Variants in DIO3 observed in about 807,000 individuals in gnomAD.
DIO3 encodes the protein iodothyronine deiodinase 3.
In DIO3, 5 loss-of-function variants were observed where a neutral mutation model predicts 20.4. The ratio of observed to expected loss-of-function variants is 0.25; its 90% CI spans 0.13 to 0.52. DIO3 has a LOEUF of 0.52. Ranked by LOEUF, DIO3 falls within the 20% of genes least tolerant of loss-of-function variation. The pLI is 0.97. For synonymous variants in DIO3, 201 were observed against 193.3 expected (o/e 1.04, Z -0.33); for missense variants, 341 against 438.2 (o/e 0.78, Z 1.98).
chr14:101,562,207 C>T lies in DIO3; in HGVS notation c.711C>T (p.Pro237=), dbSNP rs548580295. 1.9e-5 allele frequency: 30 copies of T among 1,612,134 alleles called. No individual in the cohort carries two copies. The Admixed American group carries it at 2.3e-4, about 13-fold the overall frequency. ...CGAGGGTACTGCAGCAAGGTGCACC[C>T]GGCTGCGCTCTGGTCCTCGACACCA... The change falls in exon 1 of 1, where the codon CCC becomes CCT. Residue 237 remains proline, a synonymous_variant. Coordinates refer to ENST00000510508, the Ensembl canonical transcript of DIO3. This position sits in a 1 kb window ranked among gnomAD's most constrained non-coding sequence, Gnocchi z 8.7.
Position 101,562,458 on chromosome 14 carries a change from C to G in DIO3, c.*47C>G. Reference sequence around the variant, plus strand: ...GAACTTGGTGGGCTGGGCCTTCGAGCCTTCGAAGCCCACGTGCAAGCGCCT... The same window carrying G: ...GAACTTGGTGGGCTGGGCCTTCGAGGCTTCGAAGCCCACGTGCAAGCGCCT... On this transcript the variant is annotated 3_prime_UTR_variant, in exon 1 of 1. Transcript: ENST00000510508. The surrounding 1 kb of genome is among the most constrained non-coding windows in gnomAD (Gnocchi z 8.7). The G allele has an allele frequency of 6.5e-7, 1 of 1,543,270 alleles. No individual in the cohort carries two copies.
At position 101,561,929 on chromosome 14, in the gene DIO3, G is replaced by A; in HGVS notation, c.433G>A (p.Gly145Ser). ...CAACTCCGAGGTGGTTCTGCCCGAC[G>A]GCTTCCAGAGCCAGCACATCCTCGA... The change falls in exon 1 of 1, where the codon GGC (glycine) becomes AGC (serine). Residue 145 changes from glycine to serine, a missense_variant. This residue lies in a region of DIO3 where 198 missense variants were observed against 220.7 expected (regional missense o/e 0.90). Transcript: ENST00000510508. The surrounding 1 kb of genome is among the most constrained non-coding windows in gnomAD (Gnocchi z 8.0). The A allele has an allele frequency of 6.2e-7, 1 of 1,604,264 alleles. No homozygotes were observed.
At position 101,562,524 on chromosome 14, in the gene DIO3, G is replaced by A; in HGVS notation, c.*113G>A. The A allele has an allele frequency of 9.7e-7, 1 of 1,027,064 alleles. No homozygotes were observed. Among genetic ancestry groups the A allele is most frequent in the Non-Finnish European group, 1.4e-6 (1 of 703,160 alleles). The allele number at this position is 1,027,064 out of a possible 1,614,324, so 63.6% of individuals were successfully genotyped here. ...TTGGCGAGGCCCCAGTGACACTGAT[G>A]TGCTGAGCCACCATTTCAGACTGAG... On this transcript the variant is annotated 3_prime_UTR_variant, in exon 1 of 1. Transcript: ENST00000510508. This position sits in a 1 kb window ranked among gnomAD's most constrained non-coding sequence, Gnocchi z 8.7.
In DIO3 at chr14:101,561,633, T is replaced by G. The variant is rs753943392; in HGVS notation, c.137T>G (p.Leu46Arg). Residue 46 changes from leucine (L) to arginine (R), a missense_variant, in exon 1 of 1, where the codon CTC becomes CGC. Transcript: ENST00000510508. The surrounding 1 kb of genome is among the most constrained non-coding windows in gnomAD (Gnocchi z 8.0). ...CTCTGCGCCCAGACCGCCTCGTGCC[T>G]CGTGCTCTTCCCGCGCTTCCTCGGC... The G allele has an allele frequency of 6.2e-7, 1 of 1,613,508 alleles. No homozygotes were observed. The highest frequency in any genetic ancestry group is 8.5e-7 in the Non-Finnish European group (1 of 1,179,954).
In DIO3 at chr14:101,561,906, A is replaced by G. The variant is rs1312779052; in HGVS notation, c.410A>G (p.Asn137Ser). 5.0e-6 allele frequency: 8 copies of G among 1,604,776 alleles called. No individual in the cohort carries two copies. The South Asian group carries it at 7.7e-5, about 15-fold the overall frequency. The change falls in exon 1 of 1, where the codon AAC (asparagine) becomes AGC (serine). Residue 137 changes from asparagine to serine, a missense_variant. By Grantham distance (46) the Asn-to-Ser change is conservative. Transcript: ENST00000510508. This position sits in a 1 kb window ranked among gnomAD's most constrained non-coding sequence, Gnocchi z 8.0. The stretch of plus-strand genomic sequence containing the variant: ...GCGCACGAGGGCGGTCCGGCGCCCA[A>G]CTCCGAGGTGGTTCTGCCCGACGGC...
At position 101,562,332 on chromosome 14, in the gene DIO3, G is replaced by A; in HGVS notation, c.836G>A (p.Gly279Asp). 2 of 1,613,954 alleles carry A rather than the reference G, an allele frequency of 1.2e-6. No homozygotes were observed. The highest frequency in any genetic ancestry group is 1.7e-6 in the Non-Finnish European group (2 of 1,180,042). Residue 279 changes from glycine (G) to aspartate (D), a missense_variant, in exon 1 of 1, where the codon GGC becomes GAC. Coordinates refer to ENST00000510508, the Ensembl canonical transcript of DIO3. The surrounding 1 kb of genome is among the most constrained non-coding windows in gnomAD (Gnocchi z 8.7). Reference sequence around the variant, plus strand: ...TACCAGGGCGGCCGTGGCCCCGACGGCTACCAGGTCTCTGAGCTGCGCACT... The same window carrying A: ...TACCAGGGCGGCCGTGGCCCCGACGACTACCAGGTCTCTGAGCTGCGCACT...
In DIO3 at chr14:101,561,648, G is replaced by C. The variant is rs1178881157; in HGVS notation, c.152G>C (p.Arg51Pro). ...GCCTCGTGCCTCGTGCTCTTCCCGC[G>C]CTTCCTCGGCACGGCCTTCATGCTC... The change falls in exon 1 of 1, where the codon CGC becomes CCC. Residue 51 changes from arginine to proline, a missense_variant. Arg to Pro is a moderately radical substitution (Grantham distance 103, BLOSUM62 -2). Coordinates refer to ENST00000510508, the Ensembl canonical transcript of DIO3. This position sits in a 1 kb window ranked among gnomAD's most constrained non-coding sequence, Gnocchi z 8.0. The C allele has an allele frequency of 6.2e-7, 1 of 1,613,386 alleles. No individual in the cohort carries two copies. Among genetic ancestry groups the C allele is most frequent in the African/African-American group, 1.3e-5 (1 of 74,910 alleles).
At position 101,562,334 on chromosome 14, in the gene DIO3, T is replaced by C; in HGVS notation, c.838T>C (p.Tyr280His). The change falls in exon 1 of 1, where the codon TAC becomes CAC. Residue 280 changes from tyrosine to histidine, a missense_variant. Tyr to His is a moderately conservative substitution (Grantham distance 83). This residue lies in a region of DIO3 where 138 missense variants were observed against 197.8 expected (regional missense o/e 0.70). Transcript: ENST00000510508. This position sits in a 1 kb window ranked among gnomAD's most constrained non-coding sequence, Gnocchi z 8.7. ...CCAGGGCGGCCGTGGCCCCGACGGC[T>C]ACCAGGTCTCTGAGCTGCGCACTTG... 6.2e-7 allele frequency: 1 copy of C among 1,613,984 alleles called. No individual in the cohort carries two copies. The highest frequency in any genetic ancestry group is 1.1e-5 in the South Asian group (1 of 91,082).
Position 101,561,600 on chromosome 14 carries a change from C to T in DIO3, c.104C>T (p.Ser35Phe), listed in dbSNP as rs769474474. ...ATGCTCCGCTCCCTGCTGCTTCACT[C>T]CTTGAGGCTCTGCGCCCAGACCGCC... The change falls in exon 1 of 1, where the codon TCC becomes TTC. Residue 35 changes from serine (S) to phenylalanine (F), a missense_variant. Around this residue, in one of 3 missense-constraint regions of DIO3, gnomAD observed 198 missense variants for 220.7 expected, o/e 0.90. Coordinates refer to ENST00000510508, the Ensembl canonical transcript of DIO3. The surrounding 1 kb of genome is among the most constrained non-coding windows in gnomAD (Gnocchi z 8.0). 1.9e-6 allele frequency: 3 copies of T among 1,613,288 alleles called. No homozygotes were observed. Among genetic ancestry groups the T allele is most frequent in the African/African-American group, 1.3e-5 (1 of 74,942 alleles).
chr14:101,562,213 C>G lies in DIO3; in HGVS notation c.717C>G (p.Cys239Trp). The change falls in exon 1 of 1, where the codon TGC becomes TGG. Residue 239 changes from cysteine (C) to tryptophan (W), a missense_variant. Physicochemically the swap from Cys to Trp is radical, Grantham distance 215 (BLOSUM62 -2). Coordinates refer to ENST00000510508, the Ensembl canonical transcript of DIO3. The surrounding 1 kb of genome is among the most constrained non-coding windows in gnomAD (Gnocchi z 8.7). ...TACTGCAGCAAGGTGCACCCGGCTG[C>G]GCTCTGGTCCTCGACACCATGGCCA... 6.2e-7 allele frequency: 1 copy of G among 1,612,144 alleles called. No individual in the cohort carries two copies.
At position 101,561,776 on chromosome 14, in the gene DIO3, C is replaced by G. The variant is rs368850596; in HGVS notation, c.280C>G (p.Pro94Ala). The change falls in exon 1 of 1, where the codon CCT becomes GCT. Residue 94 changes from proline to alanine, a missense_variant. By Grantham distance (27) the Pro-to-Ala change is conservative. This residue lies in a region of DIO3 where 198 missense variants were observed against 220.7 expected (regional missense o/e 0.90). Coordinates refer to ENST00000510508, the Ensembl canonical transcript of DIO3. The surrounding 1 kb of genome is among the most constrained non-coding windows in gnomAD (Gnocchi z 8.0). ...GCTCAACAGTGAAGGCGAGGAGGTG[C>G]CTCCCGATGACCCGCCCATCTGCGT... is the stretch of plus-strand genomic sequence containing the variant. The G allele has an allele frequency of 3.2e-4, 520 of 1,611,966 alleles. No homozygotes were observed. The highest frequency in any genetic ancestry group is 4.3e-4 in the Non-Finnish European group (507 of 1,179,958).
chr14:101,561,535 G>C lies in DIO3; in HGVS notation c.39G>C (p.Glu13Asp), dbSNP rs1230039005. The C allele has an allele frequency of 1.2e-6, 2 of 1,611,180 alleles. No homozygotes were observed. Among genetic ancestry groups the C allele is most frequent in the East Asian group, 2.2e-5 (1 of 44,790 alleles). Reference sequence around the variant, plus strand: ...CCACGTCGCGGTTGGTGGTCGGAGAGGGCGAGGGGTCCCAGGGGGCTTCGG... The same window carrying C: ...CCACGTCGCGGTTGGTGGTCGGAGACGGCGAGGGGTCCCAGGGGGCTTCGG... The change falls in exon 1 of 1, where the codon GAG (glutamate) becomes GAC (aspartate). Residue 13 changes from glutamate to aspartate, a missense_variant. By Grantham distance (45) the Glu-to-Asp change is conservative. Coordinates refer to ENST00000510508, the Ensembl canonical transcript of DIO3. This position sits in a 1 kb window ranked among gnomAD's most constrained non-coding sequence, Gnocchi z 8.0.
At position 101,561,723 on chromosome 14, in the gene DIO3, G is replaced by T. The variant is rs1289405831; in HGVS notation, c.227G>T (p.Arg76Leu). ...CGCAAGCATTTCCTGGGCCGCCGCCGCCGGGGGCAGCCCGAGCCCGAAGTG... is the reference window on the plus strand; with the variant it reads ...CGCAAGCATTTCCTGGGCCGCCGCCTCCGGGGGCAGCCCGAGCCCGAAGTG... Residue 76 changes from arginine (R) to leucine (L), a missense_variant, in exon 1 of 1, where the codon CGC becomes CTC. By Grantham distance (102) the Arg-to-Leu change is moderately radical. This residue lies in a region of DIO3 where 198 missense variants were observed against 220.7 expected (regional missense o/e 0.90). Transcript: ENST00000510508. The surrounding 1 kb of genome is among the most constrained non-coding windows in gnomAD (Gnocchi z 8.0). 1 of 1,612,354 alleles carries T rather than the reference G, an allele frequency of 6.2e-7. No homozygotes were observed. Among genetic ancestry groups the T allele is most frequent in the African/African-American group, 1.3e-5 (1 of 74,920 alleles).
At position 101,562,826 on chromosome 14, in the gene DIO3, G is replaced by A. The variant is rs41286578; in HGVS notation, c.*415G>A. 481 of 181,008 alleles carry A rather than the reference G, an allele frequency of 2.7e-3. 1 individual carries two copies. The highest frequency in any genetic ancestry group is 6.0e-3 in the Middle Eastern group (2 of 336). The allele number at this position is 181,008 out of a possible 1,614,324, so 11.2% of individuals were successfully genotyped here. A position where few individuals can be genotyped will look rare whatever the true frequency, so the allele number is the denominator to read the frequency against. On this transcript the variant is annotated 3_prime_UTR_variant, in exon 1 of 1. Transcript: ENST00000510508. This position sits in a 1 kb window ranked among gnomAD's most constrained non-coding sequence, Gnocchi z 8.7. ...CGCCCTGAGCGCAGCTGGGTTCCAG[G>A]AGACTCTCAGCTCAGCTGAGCTAGT... is the stretch of plus-strand genomic sequence containing the variant.
Position 101,562,721 on chromosome 14 carries a change from C to T in DIO3, c.*310C>T. The T allele has an allele frequency of 3.2e-6, 1 of 313,646 alleles. No homozygotes were observed. The allele number at this position is 313,646 out of a possible 1,614,324, so 19.4% of individuals were successfully genotyped here. A position where few individuals can be genotyped will look rare whatever the true frequency, so the allele number is the denominator to read the frequency against. ...TTGCCTCTACAGCATTTTCTTACAC[C>T]CCCTCCCCAGCGTGCCCTCAGCCAA... On this transcript the variant is annotated 3_prime_UTR_variant, in exon 1 of 1. Coordinates refer to ENST00000510508, the Ensembl canonical transcript of DIO3. The surrounding 1 kb of genome is among the most constrained non-coding windows in gnomAD (Gnocchi z 8.7).
chr14:101,562,799 C>G lies in DIO3; in HGVS notation c.*388C>G, dbSNP rs547833349. 5.2e-6 allele frequency: 1 copy of G among 190,850 alleles called. No homozygotes were observed. Among genetic ancestry groups the G allele is most frequent in the Non-Finnish European group, 1.2e-5 (1 of 83,268 alleles). 11.8% of individuals were successfully genotyped at this position (190,850 alleles called of 1,614,324 possible). A position where few individuals can be genotyped will look rare whatever the true frequency, so the allele number is the denominator to read the frequency against. ...TGCACAGAGACCTTGGCCACGCCCG[C>G]GCGCCCTGAGCGCAGCTGGGTTCCA... On this transcript the variant is annotated 3_prime_UTR_variant, in exon 1 of 1. Transcript: ENST00000510508. The surrounding 1 kb of genome is among the most constrained non-coding windows in gnomAD (Gnocchi z 8.7).
Position 101,561,952 on chromosome 14 carries a change from C to T in DIO3, c.456C>T (p.Leu152=), listed in dbSNP as rs762989778. The T allele has an allele frequency of 1.7e-5, 27 of 1,603,458 alleles. No homozygotes were observed. The highest frequency in any genetic ancestry group is 1.7e-5 in the Non-Finnish European group (20 of 1,179,980). Residue 152 remains leucine (L), a synonymous_variant, in exon 1 of 1, where the codon CTC becomes CTT. Transcript: ENST00000510508. This position sits in a 1 kb window ranked among gnomAD's most constrained non-coding sequence, Gnocchi z 8.0. ...ACGGCTTCCAGAGCCAGCACATCCT[C>T]GACTACGCGCAAGGGAACCGCCCGC...
chr14:101,561,843 C>T lies in DIO3; in HGVS notation c.347C>T (p.Ala116Val), dbSNP rs1357963445. 1.2e-6 allele frequency: 2 copies of T among 1,608,502 alleles called. No homozygotes were observed. Among genetic ancestry groups the T allele is most frequent in the Non-Finnish European group, 1.7e-6 (2 of 1,179,528 alleles). Residue 116 changes from alanine to valine, a missense_variant, in exon 1 of 1, where the codon GCG becomes GTG. Ala to Val is a moderately conservative substitution (Grantham distance 64). Around this residue, in one of 3 missense-constraint regions of DIO3, gnomAD observed 198 missense variants for 220.7 expected, o/e 0.90. Transcript: ENST00000510508. The surrounding 1 kb of genome is among the most constrained non-coding windows in gnomAD (Gnocchi z 8.0). ...CTGTGCACCCTGGCGTCGCTCAAGGCGGTGTGGCATGGCCAGAAGTTGGAT... is the reference window on the plus strand; with the variant it reads ...CTGTGCACCCTGGCGTCGCTCAAGGTGGTGTGGCATGGCCAGAAGTTGGAT...
In DIO3 at chr14:101,562,057, C is replaced by T. The variant is rs1305643692; in HGVS notation, c.561C>T (p.Tyr187=). 4.3e-6 allele frequency: 7 copies of T among 1,609,198 alleles called. No individual in the cohort carries two copies. In the African/African-American group the frequency reaches 9.3e-5, roughly 21 times the overall value. The change falls in exon 1 of 1, where the codon TAC becomes TAT. Residue 187 remains tyrosine (Y), a synonymous_variant. Coordinates refer to ENST00000510508, the Ensembl canonical transcript of DIO3. This position sits in a 1 kb window ranked among gnomAD's most constrained non-coding sequence, Gnocchi z 8.7. ...CCTTCCAGCGCCTGGTCACTAAGTA[C>T]CAGCGCGACGTCGACTTCCTCATCA... is the stretch of plus-strand genomic sequence containing the variant.
Sources: allele counts gnomAD v4.1 joint callset, GRCh38; gene constraint gnomAD v4.1.1; regional missense constraint gnomAD v4.1.1; non-coding constraint Gnocchi (gnomAD v3.1); transcripts MANE v1.5; gene names NCBI Gene and HGNC (gene_info 2026-07-23, HGNC 2026-07-21).